Variants in SLC25A39 observed in about 807,000 individuals in gnomAD.
The protein encoded by SLC25A39 is solute carrier family 25 member 39, also known as mitochondrial glutathione transporter SLC25A39.
In SLC25A39, 44 loss-of-function variants were observed where a neutral mutation model predicts 46.6. The observed-to-expected ratio is 0.94, with a 90% CI of 0.74 to 1.21. The LOEUF (loss-of-function observed/expected upper bound fraction) is 1.21, where lower values mean the gene tolerates loss of function less well. SLC25A39 is among the 50% of genes most tolerant of loss of function. The probability of loss-of-function intolerance (pLI) is 0.00; values close to 1 mark genes in which losing one functional copy is unlikely to be tolerated. For missense variants in SLC25A39, 487 were observed against 473.0 expected (o/e 1.03, Z -0.28); for synonymous variants, 218 against 190.6 (o/e 1.14, Z -1.19).
At chr17:44,323,232 T>C in intron 3 of SLC25A39, 52 bp downstream of exon 3, 1 of 1,604,810 alleles carries the variant, frequency 6.2e-7, no homozygotes, top group South Asian at 1.1e-5. Flanking sequence ...CTCTGGGAGA[T>C]CTTTCTTTTG....
chr17:44,320,407 G>C lies in SLC25A39; in HGVS notation c.831C>G (p.Asp277Glu). The C allele has an allele frequency of 6.2e-7, 1 of 1,613,600 alleles. No individual in the cohort carries two copies. The highest frequency in any genetic ancestry group is 8.5e-7 in the Non-Finnish European group (1 of 1,180,016). ...CGACCTGGCGTTGGGTCTTTACCAC[G>C]TCAAAGGGTAGAGTCAGCACTGCAG... ...TVAAVLTLPF[D>E]VVKTQRQVAL... Residue 277 changes from aspartate to glutamate, a missense_variant, in exon 10 of 12, where the codon GAC becomes GAG. Physicochemically the swap from Asp to Glu is conservative, Grantham distance 45 (BLOSUM62 2). Transcript: ENST00000377095.
intron 1 of SLC25A39, chr17:44,323,795 C>A (rs1042352506): frequency 1.8e-6 from 1 of 555,908 alleles, no homozygotes; most frequent in East Asian, 3.0e-5. Flanking sequence ...GCGCGCACCA[C>A]CACGCCTAGT....
In SLC25A39 at chr17:44,320,280, C is replaced by T. The variant is rs1306464624; in HGVS notation, c.884-4G>A. 2.5e-6 allele frequency: 4 copies of T among 1,613,704 alleles called. No individual in the cohort carries two copies. Among genetic ancestry groups the T allele is most frequent in the Non-Finnish European group, 3.4e-6 (4 of 1,180,028 alleles). Reference sequence around the variant, plus strand: ...GAGTCCACATGCAGGGGGTTCACTGCAAACGCGAGGCCGGCTCAGTGAGAC... The same window carrying T: ...GAGTCCACATGCAGGGGGTTCACTGTAAACGCGAGGCCGGCTCAGTGAGAC... On this transcript the variant is annotated splice_region_variant and splice_polypyrimidine_tract_variant and intron_variant, in intron 10 of 11. Coordinates refer to ENST00000377095, the MANE Select transcript of SLC25A39 (RefSeq NM_001143780.3).
At chr17:44,322,310 G>A in intron 5 of SLC25A39, 109 bp downstream of exon 5, 1 of 1,252,490 alleles carries the variant, frequency 8.0e-7, no homozygotes, top group Admixed American at 2.0e-5. Flanking sequence ...GACGGAACCG[G>A]CTACCTCTGC....
rs569932603 is a variant in SLC25A39, at chr17:44,320,413, G to C, written c.825C>G (p.Pro275=). ...SGTVAAVLTL[P]FDVVKTQRQV... ...GGCGTTGGGTCTTTACCACGTCAAAGGGTAGAGTCAGCACTGCAGCCACCT... is the reference window on the plus strand; with the variant it reads ...GGCGTTGGGTCTTTACCACGTCAAACGGTAGAGTCAGCACTGCAGCCACCT... Residue 275 remains proline, a synonymous_variant, in exon 10 of 12, where the codon CCC becomes CCG. Transcript: ENST00000377095. 1 of 1,613,636 alleles carries C rather than the reference G, an allele frequency of 6.2e-7. No individual in the cohort carries two copies. Among genetic ancestry groups the C allele is most frequent in the African/African-American group, 1.3e-5 (1 of 75,042 alleles).
chr17:44,320,069 T>C lies in SLC25A39; in HGVS notation c.1012A>G (p.Ile338Val). 1 of 1,613,962 alleles carries C rather than the reference T, an allele frequency of 6.2e-7. No individual in the cohort carries two copies. The highest frequency in any genetic ancestry group is 1.3e-5 in the African/African-American group (1 of 74,974). Residue 338 changes from isoleucine to valine, a missense_variant, in exon 12 of 12, where the codon ATC becomes GTC. Transcript: ENST00000377095. ...IKAAPSCAIM[I>V]STYEFGKSFF... is the part of the protein sequence containing the mutation. ...CTTTTGCCGAACTCATAGGTGCTGA[T>C]CATGATGGCACAGGAGGGGGCAGCC...
chr17:44,321,586 G>C (rs755204721), intron 6 of SLC25A39, 28 bp from the exon 7 acceptor site: 22 of 1,612,422 alleles, frequency 1.4e-5, no homozygotes, highest in Non-Finnish European at 1.8e-5. Context: ...GGTTAGCTGG[G>C]ACTCCCAAAA....
At chr17:44,324,630 C>T (rs1397680944) in intron 1 of SLC25A39, 81 bp downstream of exon 1, 1 of 152,522 alleles carries the variant, frequency 6.6e-6, no homozygotes. Context: ...TCGACGGCCC[C>T]AGCACCTGCC....
intron 8 of SLC25A39, 123 bp downstream of exon 8, chr17:44,320,935 C>A: frequency 4.8e-6 from 6 of 1,250,568 alleles, no homozygotes; most frequent in Non-Finnish European, 6.5e-6. Context: ...AGATGAGAAA[C>A]CCATGGCTCA....
At chr17:44,323,735 C>T in intron 1 of SLC25A39, 158 bp from the exon 2 acceptor site, 1 of 601,188 alleles carries the variant, frequency 1.7e-6, no homozygotes, top group South Asian at 2.0e-5. Context: ...ACATCCACCC[C>T]CGTTCAAGCG....
At position 44,321,062 on chromosome 17, in the gene SLC25A39, G is replaced by A; in HGVS notation, c.687C>T (p.Phe229=). 6.3e-7 allele frequency: 1 copy of A among 1,596,224 alleles called. No homozygotes were observed. The highest frequency in any genetic ancestry group is 8.5e-7 in the Non-Finnish European group (1 of 1,172,278). ...WGPTALRDVP[F]SALYWFNYEL... is the part of the protein sequence containing the mutation. Reference sequence around the variant, plus strand: ...CCCTGCAGCTTGGGTGCCTACCTGAGAAGGGCACATCTCGAAGGGCAGTGG... The same window carrying A: ...CCCTGCAGCTTGGGTGCCTACCTGAAAAGGGCACATCTCGAAGGGCAGTGG... Residue 229 remains phenylalanine, a synonymous_variant, in exon 8 of 12, where the codon TTC becomes TTT. Transcript: ENST00000377095.
chr17:44,323,449 G>GGC, intron 2 of SLC25A39, 29 bp downstream of exon 2: 1 of 258,680 alleles, frequency 3.9e-6, no homozygotes, highest in Non-Finnish European at 5.7e-6. Flanking sequence ...ATCCCCACCC[G>GGC]CCCCCACCCC....
chr17:44,323,344 C>A lies in SLC25A39; in HGVS notation c.86-1G>T. ...ACCTTCACCACGTCCAGGGGTGTCA[C>A]TGGGGGAGGAAGCGGGTCTGAAGGC... On this transcript the variant is annotated splice_acceptor_variant, in intron 2 of 11. Coordinates refer to ENST00000377095, the MANE Select transcript of SLC25A39 (RefSeq NM_001143780.3). LOFTEE classifies it high-confidence loss of function. 6.2e-7 allele frequency: 1 copy of A among 1,610,678 alleles called. No individual in the cohort carries two copies. The highest frequency in any genetic ancestry group is 8.5e-7 in the Non-Finnish European group (1 of 1,178,350).
chr17:44,320,840 A>T, intron 8 of SLC25A39, 109 bp from the exon 9 acceptor site: 1 of 1,025,942 alleles, frequency 9.7e-7, no homozygotes, highest in Non-Finnish European at 1.5e-6. Flanking sequence ...CTTGTCTGCT[A>T]CATGCAGGCT....
intron 2 of SLC25A39, 40 bp downstream of exon 2, chr17:44,323,438 C>CAAA: frequency 3.2e-6 from 4 of 1,257,690 alleles, no homozygotes; most frequent in Non-Finnish European, 4.4e-6. Flanking sequence ...CGGTCTGCCC[C>CAAA]ATCCCCACCC....
intron 8 of SLC25A39, 31 bp from the exon 9 acceptor site, chr17:44,320,762 G>A (rs373182841): frequency 1.1e-4 from 167 of 1,556,136 alleles, no homozygotes; most frequent in Middle Eastern, 5.0e-4. Flanking sequence ...GATTAGAGAC[G>A]GGAAGGGCAA....
chr17:44,323,650 T>C, intron 1 of SLC25A39, 73 bp from the exon 2 acceptor site: 1 of 1,130,116 alleles, frequency 8.8e-7, no homozygotes, highest in Non-Finnish European at 1.3e-6. Context: ...TGTGAGACTT[T>C]TGTTTTGAGA....
intron 9 of SLC25A39, 82 bp downstream of exon 9, chr17:44,320,538 GTC>G: frequency 6.4e-7 from 1 of 1,574,624 alleles, no homozygotes; most frequent in Non-Finnish European, 8.7e-7. Flanking sequence ...GCCTCATGGG[GTC>G]TGCTTCTGGG....
At position 44,321,566 on chromosome 17, in the gene SLC25A39, TACAG is replaced by T; in HGVS notation, c.393-12_393-9del. The stretch of plus-strand genomic sequence containing the variant: ...GCTGGCACAGTCATCACCCTGGGGA[TACAG>T]AGAGAGGTTAGCTGGGACTCCCAAA... On this transcript the variant is annotated splice_polypyrimidine_tract_variant and intron_variant, in intron 6 of 11. Coordinates refer to ENST00000377095, the MANE Select transcript of SLC25A39 (RefSeq NM_001143780.3). The T allele has an allele frequency of 6.2e-7, 1 of 1,613,692 alleles. No homozygotes were observed. Among genetic ancestry groups the T allele is most frequent in the Non-Finnish European group, 8.5e-7 (1 of 1,179,804 alleles).
Sources: allele counts gnomAD v4.1 joint callset, GRCh38; gene constraint gnomAD v4.1.1; transcripts MANE v1.5; gene names NCBI Gene and HGNC (gene_info 2026-07-23, HGNC 2026-07-21).